Variants in FRMPD4 observed in about 807,000 individuals in gnomAD.
The protein encoded by FRMPD4 is FERM and PDZ domain containing 4.
A neutral mutation model predicts 94.1 loss-of-function variants in FRMPD4; 22 were observed. That is an observed-to-expected ratio of 0.23 (90% CI 0.17 to 0.33). The LOEUF (loss-of-function observed/expected upper bound fraction) is 0.33. Ranked by LOEUF, FRMPD4 falls within the 10% of genes least tolerant of loss-of-function variation. The pLI, the probability that FRMPD4 is intolerant of heterozygous loss-of-function variation, is 1.00. For missense variants in FRMPD4, 1,111 were observed against 1,339.9 expected (o/e 0.83, Z 2.67); for synonymous variants, 631 against 548.6 (o/e 1.15, Z -2.10).
chrX:12,245,341 G>T (rs780503435), intron 1 of FRMPD4, among the ~76,000 whole-genome samples: 1 of 110,875 alleles, frequency 9.0e-6, no homozygotes, highest in Non-Finnish European at 1.9e-5. Context: ...CTATATTTGC[G>T]GCCAGCTCTG....
intron 8 of FRMPD4, among the ~76,000 whole-genome samples, chrX:12,691,368 G>A (rs1398324877): frequency 9.1e-6 from 1 of 110,272 alleles, no homozygotes; most frequent in Non-Finnish European, 1.9e-5. Flanking sequence ...TTGCAGTCTT[G>A]AACTCCTGGG....
intron 1 of FRMPD4, among the ~76,000 whole-genome samples, chrX:12,144,781 A>T (rs964478814): frequency 3.7e-5 from 4 of 107,249 alleles, no homozygotes; most frequent in Non-Finnish European, 7.7e-5. Flanking sequence ...TATATATATA[A>T]AATATAATAT....
At chrX:12,343,952 G>A (rs1017422211) in intron 1 of FRMPD4, among the ~76,000 whole-genome samples, 1 of 112,312 alleles carries the variant, frequency 8.9e-6, no homozygotes, top group Non-Finnish European at 1.9e-5. Flanking sequence ...TTATGAAGCT[G>A]TTATTTGGTG....
chrX:12,066,195 G>A (rs2054919102), intron 3 of FRMPD4, among the ~76,000 whole-genome samples: 1 of 111,516 alleles, frequency 9.0e-6, no homozygotes, highest in Non-Finnish European at 1.9e-5. Context: ...ATACCCACCC[G>A]AGATCCTTCT....
intron 3 of FRMPD4, among the ~76,000 whole-genome samples, chrX:11,881,441 T>A (rs2053813199): frequency 8.9e-6 from 1 of 112,349 alleles, no homozygotes; most frequent in South Asian, 3.7e-4. Context: ...CTATGTTAAA[T>A]CCTCACAATG....
At chrX:12,615,560 C>A (rs2059228094) in intron 4 of FRMPD4, among the ~76,000 whole-genome samples, 2 of 111,370 alleles carry the variant, frequency 1.8e-5, no homozygotes, top group African/African-American at 6.5e-5. Context: ...GAAAAGAGTT[C>A]TTTAGAAGTT....
chrX:12,267,809 G>A (rs533679490), intron 1 of FRMPD4, among the ~76,000 whole-genome samples: 1 of 112,502 alleles, frequency 8.9e-6, no homozygotes, highest in South Asian at 3.7e-4. Context: ...CTCTCCTTAG[G>A]AATCTACCAG....
At chrX:12,000,770 C>G (rs1170637618) in intron 3 of FRMPD4, among the ~76,000 whole-genome samples, 1 of 111,840 alleles carries the variant, frequency 8.9e-6, no homozygotes, top group Non-Finnish European at 1.9e-5. Flanking sequence ...CCTCTGGCTA[C>G]CTTCTTTATC....
At chrX:12,419,618 G>A (rs1011727797) in intron 1 of FRMPD4, among the ~76,000 whole-genome samples, 5 of 111,538 alleles carry the variant, frequency 4.5e-5, no homozygotes, top group Middle Eastern at 4.6e-3. Flanking sequence ...AAATGGTTGA[G>A]AAGTGCTGGT....
chrX:12,378,979 G>T (rs2056280280), intron 1 of FRMPD4, among the ~76,000 whole-genome samples: 1 of 111,432 alleles, frequency 9.0e-6, no homozygotes, highest in African/African-American at 3.3e-5. Flanking sequence ...TTGAAGTAGT[G>T]GTTCTAATTG....
At chrX:12,536,727 G>A (rs755654505) in intron 2 of FRMPD4, among the ~76,000 whole-genome samples, 2 of 111,596 alleles carry the variant, frequency 1.8e-5, no homozygotes, top group Admixed American at 9.6e-5. Flanking sequence ...CAAAATGTTT[G>A]TGCATTTGAT....
chrX:12,208,535 C>T (rs975064024), intron 1 of FRMPD4, among the ~76,000 whole-genome samples: 7 of 111,197 alleles, frequency 6.3e-5, no homozygotes, highest in African/African-American at 2.0e-4. Context: ...ATCCTATTCA[C>T]TTTTGTATCC....
chrX:12,222,995 CTT>C (rs2056885793), intron 1 of FRMPD4, among the ~76,000 whole-genome samples: 1 of 111,960 alleles, frequency 8.9e-6, no homozygotes, highest in African/African-American at 3.2e-5. Flanking sequence ...TTTTATATCT[CTT>C]GGGTAAATAA....
chrX:12,092,737 T>C (rs1366496557), intron 3 of FRMPD4, among the ~76,000 whole-genome samples: 1 of 111,894 alleles, frequency 8.9e-6, no homozygotes, highest in Non-Finnish European at 1.9e-5. Flanking sequence ...CCATGCTGCA[T>C]GCCTGTCAAT....
At chrX:12,483,274 T>G (rs184780908) in intron 1 of FRMPD4, among the ~76,000 whole-genome samples, 1 of 111,957 alleles carries the variant, frequency 8.9e-6, no homozygotes, top group East Asian at 2.8e-4. Flanking sequence ...GATCCCACTG[T>G]GAATTGGGCT....
chrX:12,216,126 A>G (rs918247200), intron 1 of FRMPD4, among the ~76,000 whole-genome samples: 1 of 111,952 alleles, frequency 8.9e-6, no homozygotes, highest in Non-Finnish European at 1.9e-5. Flanking sequence ...AGTAGTGCAA[A>G]CAACCATTTA....
intron 2 of FRMPD4, among the ~76,000 whole-genome samples, chrX:12,499,996 G>GT (rs1044475441): frequency 9.0e-6 from 1 of 111,650 alleles, no homozygotes; most frequent in Non-Finnish European, 1.9e-5. Flanking sequence ...CTGCAGAGTG[G>GT]TTTTTTTGTT....
chrX:12,459,161 G>T (rs763267675), intron 1 of FRMPD4, among the ~76,000 whole-genome samples: 1 of 110,366 alleles, frequency 9.1e-6, no homozygotes, highest in Non-Finnish European at 1.9e-5. Flanking sequence ...AGCCTCAAGC[G>T]TGGGGATTTG....
intron 1 of FRMPD4, among the ~76,000 whole-genome samples, chrX:12,482,444 ATG>A (rs2057698032): frequency 1.8e-5 from 2 of 111,850 alleles, no homozygotes; most frequent in South Asian, 7.7e-4. Flanking sequence ...TAACAAATAT[ATG>A]TGAGTGCCTA....
Sources: gnomAD v4.1 joint callset for allele counts (sites outside exome capture counted in the v4.1 genomes callset) on GRCh38, gnomAD v4.1.1 for gene constraint, MANE v1.5 for transcripts, NCBI Gene and HGNC (gene_info 2026-07-23, HGNC 2026-07-21) for gene names.